Variants in CIP2A observed in about 807,000 individuals in gnomAD.
The protein encoded by CIP2A is cellular inhibitor of PP2A.
A neutral mutation model predicts 110.9 loss-of-function variants in CIP2A; 103 were observed. The ratio of observed to expected loss-of-function variants is 0.93; its 90% confidence interval spans 0.79 to 1.09. CIP2A has a LOEUF of 1.09. Ranked by LOEUF, CIP2A falls within the 50% of genes least tolerant of loss-of-function variation. The pLI, the probability that CIP2A is intolerant of heterozygous loss-of-function variation, is 0.00. For synonymous variants in CIP2A, 381 were observed against 361.6 expected, an observed-to-expected ratio of 1.05 and a Z score of -0.61; for missense variants, 1,088 against 1,038.4, an observed-to-expected ratio of 1.05 and a Z score of -0.66.
chr3:108,572,833 C>A (rs1938444921), intron 8 of CIP2A, among the ~76,000 whole-genome samples: 1 of 151,830 alleles, frequency 6.6e-6, no homozygotes, highest in Non-Finnish European at 1.5e-5. Flanking sequence ...TGGTTGGGAC[C>A]ACCAATACTA....
rs1424407619 is a variant in CIP2A at position 108,554,908 on chromosome 3, C to T, written c.2211-419G>A. Among the ~76,000 whole-genome samples the T allele has an allele frequency of 1.3e-5, 2 of 152,142 alleles. 1 individual carries two copies. Among genetic ancestry groups the T allele is most frequent in the Non-Finnish European group, 2.9e-5 (2 of 68,034 alleles). Reference sequence around the variant, plus strand: ...TCCTTTCTAAAGTAATACTTTGATACTCAACTACCATAAGCATAAAATGTC... The same window carrying T: ...TCCTTTCTAAAGTAATACTTTGATATTCAACTACCATAAGCATAAAATGTC... On this transcript the variant is annotated intron_variant, in intron 17 of 20. Transcript: ENST00000295746.
intron 12 of CIP2A, 102 bp from the exon 13 acceptor site, chr3:108,563,346 C>A: frequency 1.4e-6 from 1 of 723,248 alleles, no homozygotes; most frequent in Non-Finnish European, 2.5e-6. Flanking sequence ...TAATTCTAGG[C>A]AAATTCTAAA....
intron 1 of CIP2A, among the ~76,000 whole-genome samples, chr3:108,586,264 A>C (rs1206764954): frequency 2.0e-5 from 3 of 152,322 alleles, no homozygotes; most frequent in Middle Eastern, 3.4e-3. Flanking sequence ...TTACTAAAGT[A>C]AAAGTCTATA....
chr3:108,585,269 C>A, intron 1 of CIP2A, 57 bp from the exon 2 acceptor site: 12 of 1,464,822 alleles, frequency 8.2e-6, no homozygotes, highest in Non-Finnish European at 1.1e-5. Context: ...CATCTCTTCT[C>A]CATTTCAAAT....
intron 17 of CIP2A, among the ~76,000 whole-genome samples, chr3:108,556,361 G>T (rs1937801564): frequency 6.6e-6 from 1 of 152,052 alleles, no homozygotes; most frequent in Non-Finnish European, 1.5e-5. Context: ...ATACATAATT[G>T]TTCCTGGTCT....
intron 8 of CIP2A, among the ~76,000 whole-genome samples, chr3:108,576,015 G>A (rs1346461588): frequency 1.3e-5 from 2 of 151,540 alleles, no homozygotes; most frequent in African/African-American, 4.8e-5. Flanking sequence ...GGTTATAGCA[G>A]TTTACCAAGC....
chr3:108,550,881 T>A lies in CIP2A; in HGVS notation c.*268A>T, dbSNP rs1451184127. The stretch of plus-strand genomic sequence containing the variant: ...AAAGGAAAGAACCTTAGAAAAATGA[T>A]AATGGAGGTTAAAAATGATTTTCTA... On this transcript the variant is annotated 3_prime_UTR_variant, in exon 21 of 21. Coordinates refer to ENST00000295746, the MANE Select transcript of CIP2A (RefSeq NM_020890.3). 1 of 203,826 alleles carries A rather than the reference T, an allele frequency of 4.9e-6. No homozygotes were observed. Among genetic ancestry groups the A allele is most frequent in the East Asian group, 1.1e-4 (1 of 9,036 alleles). 12.6% of individuals were successfully genotyped at this position (203,826 alleles called of 1,614,324 possible).
intron 13 of CIP2A, 22 bp from the exon 14 acceptor site, chr3:108,560,863 GA>G (rs753450812): frequency 1.1e-4 from 155 of 1,462,280 alleles, no homozygotes; most frequent in South Asian, 3.5e-4. Flanking sequence ...TCAAAGAAAG[GA>G]AAAAAAAATT....
Position 108,579,643 on chromosome 3 carries a change from G to A in CIP2A, c.595C>T (p.His199Tyr). The A allele has an allele frequency of 6.2e-7, 1 of 1,602,588 alleles. No homozygotes were observed. The highest frequency in any genetic ancestry group is 8.5e-7 in the Non-Finnish European group (1 of 1,174,854). ...AACACAACCACAGTTAAACTACTAT[G>A]GGCCAACAAGGTGATAAGAGTTCGA... ...FYRTLITLLA[H>Y]SSLTVVVFAL... The change falls in exon 6 of 21, where the codon CAT (histidine) becomes TAT (tyrosine). Residue 199 changes from histidine to tyrosine, a missense_variant. Physicochemically the swap from His to Tyr is moderately conservative, Grantham distance 83. Transcript: ENST00000295746.
At position 108,569,504 on chromosome 3, in the gene CIP2A, C is replaced by T. The variant is rs779660597; in HGVS notation, c.998G>A (p.Ser333Asn). The T allele has an allele frequency of 6.2e-7, 1 of 1,612,828 alleles. No homozygotes were observed. The highest frequency in any genetic ancestry group is 1.1e-5 in the South Asian group (1 of 91,054). The change falls in exon 9 of 21, where the codon AGC becomes AAC. Residue 333 changes from serine (S) to asparagine (N), a missense_variant. Coordinates refer to ENST00000295746, the MANE Select transcript of CIP2A (RefSeq NM_020890.3). Reference protein sequence around the residue: ...QSPPGSATLGSHTKCLEPTVA... With the variant: ...QSPPGSATLGNHTKCLEPTVA... ...AGTAGGTTCTAAACATTTAGTATGG[C>T]TTCCCAGAGTGGCGCTGCCAGGTGG...
chr3:108,552,187 CAG>C, intron 20 of CIP2A, 45 bp downstream of exon 20: 3 of 1,483,568 alleles, frequency 2.0e-6, no homozygotes, highest in African/African-American at 2.9e-5. Flanking sequence ...CTTTTCACAA[CAG>C]ACTTTTTTAT....
intron 20 of CIP2A, 133 bp downstream of exon 20, chr3:108,552,101 T>G (rs1937608592): frequency 1.6e-6 from 1 of 606,278 alleles, no homozygotes; most frequent in Non-Finnish European, 2.7e-6. Flanking sequence ...CAAATGATAC[T>G]CAAGCTGCTT....
intron 9 of CIP2A, among the ~76,000 whole-genome samples, chr3:108,568,612 T>C (rs941477423): frequency 1.3e-5 from 2 of 152,006 alleles, no homozygotes; most frequent in Non-Finnish European, 2.9e-5. Context: ...AAAACAAATA[T>C]CCTGAATCTG....
intron 1 of CIP2A, among the ~76,000 whole-genome samples, chr3:108,586,679 C>A (rs1052922950): frequency 2.0e-5 from 3 of 152,096 alleles, no homozygotes; most frequent in Admixed American, 2.0e-4. Context: ...TTTTGTTTTG[C>A]AGATGAGTAA....
chr3:108,556,883 T>C (rs13319901), intron 17 of CIP2A, among the ~76,000 whole-genome samples: 2,909 of 152,266 alleles, frequency 0.019, 101 homozygotes, highest in African/African-American at 0.067. Flanking sequence ...AGTGCCTAAC[T>C]ATGCAGCAAG....
chr3:108,561,404 C>T (rs1424742165), intron 13 of CIP2A, among the ~76,000 whole-genome samples: 1 of 152,142 alleles, frequency 6.6e-6, no homozygotes, highest in Non-Finnish European at 1.5e-5. Context: ...TTATTATAGG[C>T]TGGGCATGGT....
At chr3:108,579,153 A>T (rs1938777267) in intron 7 of CIP2A, 128 bp downstream of exon 7, 13 of 709,214 alleles carry the variant, frequency 1.8e-5, no homozygotes, top group Non-Finnish European at 1.6e-5. Context: ...GCACATCAAA[A>T]CATTTTAGTC....
Position 108,556,695 on chromosome 3 carries a change from T to C in CIP2A, c.2210+523A>G, listed in dbSNP as rs565320770. Among the ~76,000 whole-genome samples, 14 of 152,296 alleles carry C rather than the reference T, an allele frequency of 9.2e-5. No homozygotes were observed. In the South Asian group the frequency reaches 2.9e-3, roughly 32 times the overall value. ...CTTATTCTACAGATGTAATCACACATGGAAGTAAACTATAATCAAGGATAT... is the reference window on the plus strand; with the variant it reads ...CTTATTCTACAGATGTAATCACACACGGAAGTAAACTATAATCAAGGATAT... On this transcript the variant is annotated intron_variant, in intron 17 of 20. Coordinates refer to ENST00000295746, the MANE Select transcript of CIP2A (RefSeq NM_020890.3).
At chr3:108,558,778 C>T (rs567929940) in intron 16 of CIP2A, among the ~76,000 whole-genome samples, 5 of 152,106 alleles carry the variant, frequency 3.3e-5, no homozygotes, top group South Asian at 4.2e-4. Flanking sequence ...TCAAGTGCCA[C>T]GACAAGGAAA....
Sources: allele counts gnomAD v4.1 joint callset (sites outside exome capture counted in the v4.1 genomes callset), GRCh38; gene constraint gnomAD v4.1.1; transcripts MANE v1.5; gene names NCBI Gene and HGNC (gene_info 2026-07-23, HGNC 2026-07-21).